ZNF716: variants seen among roughly 807,000 people sequenced by gnomAD.
The protein encoded by ZNF716 is zinc finger protein 716.
In ZNF716, 9 loss-of-function variants were observed where a neutral mutation model predicts 13.4. That is an observed-to-expected ratio of 0.67 (90% CI 0.41 to 1.18). The LOEUF is 1.18. Among genes scored for constraint, ZNF716 ranks in the 50% most tolerant of loss-of-function variants. The pLI is 0.01. For missense variants in ZNF716, 581 were observed against 576.6 expected (o/e 1.01, Z -0.08); for synonymous variants, 186 against 195.2 (o/e 0.95, Z 0.39).
At position 57,450,613 on chromosome 7, in the gene ZNF716, G is replaced by GT. The variant is rs568074419; in HGVS notation, c.39+287dup. The stretch of plus-strand genomic sequence containing the variant: ...CCCAGCGCCTCATCTCACCCAGACT[G>GT]TGCAGGGATGGGAAAGTCATCAGGG... On this transcript the variant is annotated intron_variant, in intron 1 of 3. Transcript: ENST00000420713. Among the ~76,000 whole-genome samples, 661 of 152,260 alleles carry GT rather than the reference G, an allele frequency of 4.3e-3. 4 individuals carry two copies. The highest frequency in any genetic ancestry group is 7.4e-3 in the Non-Finnish European group (506 of 68,020).
chr7:57,465,192 C>T (rs544668649), intron 3 of ZNF716, among the ~76,000 whole-genome samples: 1 of 152,270 alleles, frequency 6.6e-6, no homozygotes, highest in South Asian at 2.1e-4. Context: ...AGTATTTTGA[C>T]CCGTGAGCAA....
rs782631225 is a variant in ZNF716, at chr7:57,469,718, C to T, written c.1257C>T (p.Cys419=). ...KCEECGKAFN[C]SSTLKKHKII... Reference sequence around the variant, plus strand: ...AAGAATGTGGCAAAGCCTTTAACTGCTCCTCAACCCTTAAGAAACATAAGA... The same window carrying T: ...AAGAATGTGGCAAAGCCTTTAACTGTTCCTCAACCCTTAAGAAACATAAGA... Residue 419 remains cysteine, a synonymous_variant, in exon 4 of 4, where the codon TGC becomes TGT. Coordinates refer to ENST00000420713, the MANE Select transcript of ZNF716 (RefSeq NM_001159279.1). 5.6e-6 allele frequency: 9 copies of T among 1,605,538 alleles called. No homozygotes were observed. The highest frequency in any genetic ancestry group is 2.7e-5 in the African/African-American group (2 of 72,970).
At chr7:57,457,818 C>T (rs528825572) in intron 1 of ZNF716, among the ~76,000 whole-genome samples, 1 of 152,292 alleles carries the variant, frequency 6.6e-6, no homozygotes, top group South Asian at 2.1e-4. Context: ...ACCCTTCACC[C>T]TGAACGAGGC....
In ZNF716 at chr7:57,473,041, C is replaced by A. The variant is rs781964856; in HGVS notation, c.*3092C>A. ...TATTTCAATATGTGCAATTGAATTA[C>A]TATTAACCACAGGGTCATTTTATGA... is the stretch of plus-strand genomic sequence containing the variant. On this transcript the variant is annotated 3_prime_UTR_variant, in exon 4 of 4. Transcript: ENST00000420713. 8 of 152,054 alleles carry A rather than the reference C, an allele frequency of 5.3e-5. No individual in the cohort carries two copies. The highest frequency in any genetic ancestry group is 1.2e-4 in the Non-Finnish European group (8 of 68,008). 9.4% of individuals were successfully genotyped at this position (152,054 alleles called of 1,614,324 possible). A position where few individuals can be genotyped will look rare whatever the true frequency, so the allele number is the denominator to read the frequency against.
Position 57,469,009 on chromosome 7 carries a change from A to T in ZNF716, c.548A>T (p.Lys183Ile). 1 of 1,608,016 alleles carries T rather than the reference A, an allele frequency of 6.2e-7. No homozygotes were observed. ...NRHKTRHTGK[K>I]HFKCKNDGKS... is the part of the protein sequence containing the mutation. ...CACAAGACAAGACATACTGGAAAGA[A>T]ACATTTCAAATGTAAAAACGATGGC... The change falls in exon 4 of 4, where the codon AAA becomes ATA. Residue 183 changes from lysine to isoleucine, a missense_variant. By Grantham distance (102) the Lys-to-Ile change is moderately radical. Coordinates refer to ENST00000420713, the MANE Select transcript of ZNF716 (RefSeq NM_001159279.1).
rs782008578 is a variant in ZNF716, at chr7:57,469,922, T to C, written c.1461T>C (p.Thr487=). ...TTGCTAATCATAAGAATATGCATAC[T>C]GGAGAGAAACCCTACAAATATGAAT... ...SSLANHKNMH[T]GEKPYKYE is the part of the protein sequence containing the mutation. Residue 487 remains threonine (T), a synonymous_variant, in exon 4 of 4, where the codon ACT becomes ACC. Transcript: ENST00000420713. 3.4e-5 allele frequency: 53 copies of C among 1,572,218 alleles called. No individual in the cohort carries two copies. Among genetic ancestry groups the C allele is most frequent in the Non-Finnish European group, 4.5e-5 (52 of 1,158,380 alleles).
intron 1 of ZNF716, among the ~76,000 whole-genome samples, chr7:57,453,168 C>T (rs1313937949): frequency 6.6e-6 from 1 of 152,016 alleles, no homozygotes; most frequent in Non-Finnish European, 1.5e-5. Context: ...AGAAAACTAC[C>T]CCTAAAGGCA....
chr7:57,463,924 C>T (rs1789756023), intron 3 of ZNF716, among the ~76,000 whole-genome samples: 1 of 151,980 alleles, frequency 6.6e-6, no homozygotes, highest in Non-Finnish European at 1.5e-5. Context: ...ACATCATCAA[C>T]ATAGTTTGTG....
intron 1 of ZNF716, among the ~76,000 whole-genome samples, chr7:57,450,566 CCT>C: frequency 1.3e-5 from 2 of 151,858 alleles, no homozygotes; most frequent in East Asian, 3.9e-4. Flanking sequence ...GGACTGGAGC[CCT>C]CTCTGGGCAG....
intron 1 of ZNF716, among the ~76,000 whole-genome samples, chr7:57,454,840 C>T (rs782528435): frequency 7.2e-5 from 11 of 151,956 alleles, no homozygotes; most frequent in Admixed American, 2.6e-4. Context: ...CTAGCTAACA[C>T]GGTGAAACCC....
At chr7:57,452,494 C>T (rs967953521) in intron 1 of ZNF716, among the ~76,000 whole-genome samples, 20 of 151,888 alleles carry the variant, frequency 1.3e-4, no homozygotes, top group Admixed American at 1.2e-3. Context: ...AAAAAATAAC[C>T]GGGCGTGGTG....
In ZNF716 at chr7:57,471,491, A is replaced by C. The variant is rs1789936878; in HGVS notation, c.*1542A>C. The stretch of plus-strand genomic sequence containing the variant: ...AACATAGGCCTTTAAAGCAAAGACT[A>C]TTTATTCTAAAGACAAACATTAAAA... On this transcript the variant is annotated 3_prime_UTR_variant, in exon 4 of 4. Transcript: ENST00000420713. 1.3e-5 allele frequency: 2 copies of C among 151,964 alleles called. No individual in the cohort carries two copies. The highest frequency in any genetic ancestry group is 4.8e-5 in the African/African-American group (2 of 41,378). 9.4% of individuals were successfully genotyped at this position (151,964 alleles called of 1,614,324 possible).
chr7:57,455,699 G>C (rs1312890045), intron 1 of ZNF716, among the ~76,000 whole-genome samples: 2 of 151,858 alleles, frequency 1.3e-5, no homozygotes, highest in African/African-American at 4.8e-5. Context: ...TGCATTTTTA[G>C]TAAAGACAGG....
intron 1 of ZNF716, among the ~76,000 whole-genome samples, chr7:57,459,106 A>T (rs1789657762): frequency 6.6e-6 from 1 of 152,186 alleles, no homozygotes; most frequent in African/African-American, 2.4e-5. Flanking sequence ...TGTTTTTTGT[A>T]TTGAATTATC....
At chr7:57,461,374 G>A (rs1554323065) in intron 1 of ZNF716, among the ~76,000 whole-genome samples, 1 of 152,134 alleles carries the variant, frequency 6.6e-6, no homozygotes, top group Non-Finnish European at 1.5e-5. Context: ...ATAAAAATGT[G>A]TCCCAGTACA....
rs1435858942 is a variant in ZNF716 at position 57,471,714 on chromosome 7, A to T, written c.*1765A>T. 3.9e-5 allele frequency: 6 copies of T among 152,146 alleles called. No individual in the cohort carries two copies. The highest frequency in any genetic ancestry group is 7.3e-5 in the Non-Finnish European group (5 of 68,044). The allele number at this position is 152,146 out of a possible 1,614,324, so 9.4% of individuals were successfully genotyped here. A position where few individuals can be genotyped will look rare whatever the true frequency, so the allele number is the denominator to read the frequency against. On this transcript the variant is annotated 3_prime_UTR_variant, in exon 4 of 4. Coordinates refer to ENST00000420713, the MANE Select transcript of ZNF716 (RefSeq NM_001159279.1). ...TAGAAAACACTAGTTTATACTAAAA[A>T]AATATTTTTGCAGATGCAGTAAATG...
chr7:57,466,202 TA>T, intron 3 of ZNF716, among the ~76,000 whole-genome samples: 1 of 151,494 alleles, frequency 6.6e-6, no homozygotes, highest in Non-Finnish European at 1.5e-5. Flanking sequence ...AAATAAATTT[TA>T]AAAAATGATT....
chr7:57,455,837 A>G (rs1450786994), intron 1 of ZNF716, among the ~76,000 whole-genome samples: 5 of 152,038 alleles, frequency 3.3e-5, no homozygotes, highest in Admixed American at 6.6e-5. Context: ...TATTAATCAC[A>G]GCTATTTACC....
In ZNF716 at chr7:57,471,702, T is replaced by C. The variant is rs1789941362; in HGVS notation, c.*1753T>C. The C allele has an allele frequency of 6.6e-6, 1 of 152,136 alleles. No individual in the cohort carries two copies. The highest frequency in any genetic ancestry group is 2.4e-5 in the African/African-American group (1 of 41,446). The allele number at this position is 152,136 out of a possible 1,614,324, so 9.4% of individuals were successfully genotyped here. A position where few individuals can be genotyped will look rare whatever the true frequency, so the allele number is the denominator to read the frequency against. On this transcript the variant is annotated 3_prime_UTR_variant, in exon 4 of 4. Transcript: ENST00000420713. ...AAAACTACAGTTTAGAAAACACTAGTTTATACTAAAAAAATATTTTTGCAG... is the reference window on the plus strand; with the variant it reads ...AAAACTACAGTTTAGAAAACACTAGCTTATACTAAAAAAATATTTTTGCAG...
Sources: allele counts gnomAD v4.1 joint callset (sites outside exome capture counted in the v4.1 genomes callset), GRCh38; gene constraint gnomAD v4.1.1; transcripts MANE v1.5; gene names NCBI Gene and HGNC (gene_info 2026-07-23, HGNC 2026-07-21).